The following MTUS2 variants were observed in gnomAD, a reference collection of about 807,000 sequenced individuals.
The protein encoded by MTUS2 is microtubule-associated tumor suppressor candidate 2.
MTUS2 carries 40 observed loss-of-function variants against 114.1 expected under a neutral mutation model. The ratio of observed to expected loss-of-function variants is 0.35; its 90% CI spans 0.27 to 0.46. MTUS2 has a LOEUF of 0.46. Ranked by LOEUF, MTUS2 falls within the 20% of genes least tolerant of loss-of-function variation. The pLI, the probability that MTUS2 is intolerant of heterozygous loss-of-function variation, is 1.00. For synonymous variants in MTUS2, 688 were observed against 672.0 expected (o/e 1.02, Z -0.37); for missense variants, 1,679 against 1,705.4 (o/e 0.98, Z 0.27).
At chr13:29,165,902 A>G (rs181156746) in intron 5 of MTUS2, among the ~76,000 whole-genome samples, 81 of 152,352 alleles carry the variant, frequency 5.3e-4, no homozygotes, top group African/African-American at 1.8e-3. Context: ...AAAACACTCC[A>G]AATGACAAAA....
At chr13:29,149,653 G>T (rs1013727734) in intron 5 of MTUS2, among the ~76,000 whole-genome samples, 8 of 152,132 alleles carry the variant, frequency 5.3e-5, no homozygotes, top group African/African-American at 1.9e-4. Flanking sequence ...ATAGTTTTCA[G>T]TTTTACATTT....
chr13:29,436,645 G>A (rs1201751929), intron 8 of MTUS2, among the ~76,000 whole-genome samples: 1 of 152,128 alleles, frequency 6.6e-6, no homozygotes, highest in African/African-American at 2.4e-5. Context: ...TGGTTTTAGA[G>A]CCTGAACTTG....
intron 2 of MTUS2, among the ~76,000 whole-genome samples, chr13:28,848,182 T>C (rs1478443630): frequency 6.6e-6 from 1 of 152,200 alleles, no homozygotes; most frequent in Non-Finnish European, 1.5e-5. Context: ...GAATAAACTT[T>C]GGTTTCTGCT....
At position 29,504,739 on chromosome 13, in the gene MTUS2, G is replaced by A. The variant is rs1353678277; in HGVS notation, c.*1533G>A. 2 of 233,174 alleles carry A rather than the reference G, an allele frequency of 8.6e-6. No homozygotes were observed. The highest frequency in any genetic ancestry group is 1.7e-5 in the Non-Finnish European group (2 of 118,084). The allele number at this position is 233,174 out of a possible 1,614,324, so 14.4% of individuals were successfully genotyped here. On this transcript the variant is annotated 3_prime_UTR_variant, in exon 16 of 16. Coordinates refer to ENST00000612955, the MANE Select transcript of MTUS2 (RefSeq NM_001033602.4). ...ATGATGATGCCCTTGTTTCCTGTATGTGACAAAGACCCTGCACTTTCTCCC... is the reference window on the plus strand; with the variant it reads ...ATGATGATGCCCTTGTTTCCTGTATATGACAAAGACCCTGCACTTTCTCCC...
intron 5 of MTUS2, among the ~76,000 whole-genome samples, chr13:29,200,380 G>C (rs1033929918): frequency 6.6e-6 from 1 of 151,634 alleles, no homozygotes; most frequent in Non-Finnish European, 1.5e-5. Context: ...CAGAGATTCT[G>C]GTATGTTGTG....
chr13:28,883,538 G>A (rs1878417634), intron 2 of MTUS2, among the ~76,000 whole-genome samples: 1 of 152,190 alleles, frequency 6.6e-6, no homozygotes, highest in Non-Finnish European at 1.5e-5. Context: ...TTGAAAAAAA[G>A]CCAATATAAA....
At chr13:28,972,069 T>C (rs1287387147) in intron 2 of MTUS2, among the ~76,000 whole-genome samples, 1 of 152,224 alleles carries the variant, frequency 6.6e-6, no homozygotes, top group Non-Finnish European at 1.5e-5. Flanking sequence ...GCATTGAGTC[T>C]GGGGGTGTTA....
intron 4 of MTUS2, among the ~76,000 whole-genome samples, chr13:29,071,754 GT>G (rs1243058113): frequency 6.6e-6 from 1 of 151,990 alleles, no homozygotes; most frequent in Non-Finnish European, 1.5e-5. Flanking sequence ...CTTTTTATTT[GT>G]TTTATGCTGG....
intron 4 of MTUS2, among the ~76,000 whole-genome samples, chr13:29,046,512 C>T (rs1278831896): frequency 4.6e-5 from 7 of 152,284 alleles, no homozygotes; most frequent in East Asian, 3.9e-4. Flanking sequence ...CTTGTTCCTT[C>T]GTTTACTTCT....
intron 2 of MTUS2, among the ~76,000 whole-genome samples, chr13:29,001,508 A>G (rs74045505): frequency 6.6e-6 from 1 of 152,196 alleles, no homozygotes; most frequent in Non-Finnish European, 1.5e-5. Flanking sequence ...GATGAGCTTG[A>G]CATCAACTGA....
intron 5 of MTUS2, among the ~76,000 whole-genome samples, chr13:29,196,997 G>C (rs951367050): frequency 6.6e-6 from 1 of 152,070 alleles, no homozygotes; most frequent in African/African-American, 2.4e-5. Flanking sequence ...GGACTATATG[G>C]TAGTTCTGTT....
At chr13:29,291,028 A>C (rs1024797536) in intron 6 of MTUS2, among the ~76,000 whole-genome samples, 1 of 152,230 alleles carries the variant, frequency 6.6e-6, no homozygotes, top group South Asian at 2.1e-4. Flanking sequence ...AGACAACCAG[A>C]TATTTAAGAT....
intron 2 of MTUS2, among the ~76,000 whole-genome samples, chr13:28,864,132 T>G (rs1877155080): frequency 6.6e-6 from 1 of 152,214 alleles, no homozygotes; most frequent in African/African-American, 2.4e-5. Context: ...CCCCTTTGCC[T>G]ACTTGAAAAT....
intron 4 of MTUS2, among the ~76,000 whole-genome samples, chr13:29,099,925 C>T (rs190829863): frequency 6.6e-6 from 1 of 152,246 alleles, no homozygotes; most frequent in Admixed American, 6.5e-5. Flanking sequence ...TATGGGGATG[C>T]TGAGATGCTA....
chr13:28,830,259 C>T (rs1361039306), intron 1 of MTUS2, among the ~76,000 whole-genome samples: 1 of 152,014 alleles, frequency 6.6e-6, no homozygotes, highest in African/African-American at 2.4e-5. Flanking sequence ...TCCACACACA[C>T]AAGCAGTAGC....
At chr13:29,173,054 A>G (rs989287442) in intron 5 of MTUS2, among the ~76,000 whole-genome samples, 2 of 152,120 alleles carry the variant, frequency 1.3e-5, no homozygotes, top group African/African-American at 4.8e-5. Flanking sequence ...AAATTCTGAT[A>G]TCTGGGACTT....
chr13:29,138,830 A>C (rs931923604), intron 5 of MTUS2, among the ~76,000 whole-genome samples: 8 of 152,132 alleles, frequency 5.3e-5, no homozygotes, highest in Non-Finnish European at 1.0e-4. Flanking sequence ...ATGAGCCACC[A>C]CCATATGAAT....
chr13:28,923,958 T>C (rs757287224), intron 2 of MTUS2, among the ~76,000 whole-genome samples: 5 of 152,104 alleles, frequency 3.3e-5, no homozygotes, highest in Admixed American at 2.6e-4. Flanking sequence ...TGATTCTCAG[T>C]GGAGGTTAAT....
chr13:29,247,360 C>T lies in MTUS2; in HGVS notation c.2645-34344C>T, dbSNP rs190610627. On this transcript the variant is annotated intron_variant, in intron 5 of 15. Transcript: ENST00000612955. ...TAGAAATTGGCTTAGGCAAATACTT[C>T]ATGACCAAGAACCCAAAAGCAAATG... 4.6e-3 allele frequency among the ~76,000 whole-genome samples: 708 copies of T among 152,286 alleles called. 8 individuals are homozygous for T. The highest frequency in any genetic ancestry group is 0.016 in the African/African-American group (660 of 41,564).
Sources: allele counts gnomAD v4.1 joint callset (sites outside exome capture counted in the v4.1 genomes callset), GRCh38; gene constraint gnomAD v4.1.1; transcripts MANE v1.5; gene names NCBI Gene and HGNC (gene_info 2026-07-23, HGNC 2026-07-21).